UGT2A3: variants seen among roughly 807,000 people sequenced by gnomAD.
The protein encoded by UGT2A3 is UDP-glucuronosyltransferase 2A3.
In UGT2A3, 55 loss-of-function variants were observed where a neutral mutation model predicts 44.1. The observed-to-expected ratio is 1.25, with a 90% CI of 1.00 to 1.56. UGT2A3 has a LOEUF of 1.56. UGT2A3 is among the 40% of genes most tolerant of loss of function. The pLI, the probability that UGT2A3 is intolerant of heterozygous loss-of-function variation, is 0.00. For missense variants in UGT2A3, 733 were observed against 621.6 expected (o/e 1.18, Z -1.91); for synonymous variants, 243 against 215.1 (o/e 1.13, Z -1.13).
At chr4:68,930,825 T>C in intron 4 of UGT2A3, 60 bp from the exon 5 acceptor site, 1 of 1,389,974 alleles carries the variant, frequency 7.2e-7, no homozygotes, top group Non-Finnish European at 9.7e-7. Flanking sequence ...TTAAAATTAT[T>C]TAAAGACTAC....
intron 2 of UGT2A3, among the ~76,000 whole-genome samples, chr4:68,935,642 A>T (rs1395964940): frequency 6.6e-6 from 1 of 152,060 alleles, no homozygotes; most frequent in African/African-American, 2.4e-5. Flanking sequence ...TAAAAAGCAG[A>T]GCGCCACTAC....
rs985272998 is a variant in UGT2A3 at position 68,948,445 on chromosome 4, T to C, written c.715+2601A>G. ...TTTTTCTTTTCTTTTTTTTCTTTTTTTTTTTTTTTTTTTTGGTAGTGGTTT... is the reference window on the plus strand; with the variant it reads ...TTTTTCTTTTCTTTTTTTTCTTTTTCTTTTTTTTTTTTTTGGTAGTGGTTT... On this transcript the variant is annotated intron_variant, in intron 1 of 5. Transcript: ENST00000251566. Among the ~76,000 whole-genome samples the C allele has an allele frequency of 2.7e-5, 3 of 112,326 alleles. No homozygotes were observed. The East Asian group carries it at 6.8e-4, about 25-fold the overall frequency. The allele number at this position is 112,326 out of a possible 152,430, so 73.7% of individuals were successfully genotyped here.
rs553977777 is a variant in UGT2A3, at chr4:68,948,270, T to C, written c.715+2776A>G. Among the ~76,000 whole-genome samples, 81 of 151,928 alleles carry C rather than the reference T, an allele frequency of 5.3e-4. 1 individual carries two copies. Among genetic ancestry groups the C allele is most frequent in the Non-Finnish European group, 2.9e-4 (20 of 67,836 alleles). On this transcript the variant is annotated intron_variant, in intron 1 of 5. Coordinates refer to ENST00000251566, the MANE Select transcript of UGT2A3 (RefSeq NM_024743.4). ...TGTAGGCAGTTTATTCCTGTAAACCTCATTAGTCAACCTCTACTAGCTTCA... is the reference window on the plus strand; with the variant it reads ...TGTAGGCAGTTTATTCCTGTAAACCCCATTAGTCAACCTCTACTAGCTTCA...
chr4:68,939,585 A>G (rs916719568), intron 2 of UGT2A3, among the ~76,000 whole-genome samples: 1 of 152,210 alleles, frequency 6.6e-6, no homozygotes, highest in Non-Finnish European at 1.5e-5. Context: ...ACCTGAAACC[A>G]TAAAAATCCT....
Position 68,951,562 on chromosome 4 carries a change from T to C in UGT2A3, c.199A>G (p.Arg67Gly), listed in dbSNP as rs1718594616. Residue 67 changes from arginine to glycine, a missense_variant, in exon 1 of 6, where the codon AGG becomes GGG. By Grantham distance (125) the Arg-to-Gly change is moderately radical. Coordinates refer to ENST00000251566, the MANE Select transcript of UGT2A3 (RefSeq NM_024743.4). ...THSKPSLIDY[R>G]KPSALKFEVV... Reference sequence around the variant, plus strand: ...TCAAATTTCAATGCAGAAGGCTTCCTGTAGTCAATTAACGAAGGCTTTGAG... The same window carrying C: ...TCAAATTTCAATGCAGAAGGCTTCCCGTAGTCAATTAACGAAGGCTTTGAG... 6.2e-7 allele frequency: 1 copy of C among 1,613,132 alleles called. No homozygotes were observed. Among genetic ancestry groups the C allele is most frequent in the South Asian group, 1.1e-5 (1 of 91,070 alleles).
intron 2 of UGT2A3, among the ~76,000 whole-genome samples, chr4:68,940,557 G>A (rs984481283): frequency 7.9e-5 from 12 of 151,878 alleles, no homozygotes; most frequent in African/African-American, 2.9e-4. Context: ...GGGGTTGGGT[G>A]GCTGGTGGAG....
rs571179630 is a variant in UGT2A3 at position 68,936,039 on chromosome 4, G to T, written c.865-3280C>A. Among the ~76,000 whole-genome samples, 5 of 152,166 alleles carry T rather than the reference G, an allele frequency of 3.3e-5. No homozygotes were observed. In the East Asian group the frequency reaches 5.8e-4, roughly 18 times the overall value. ...AAAAGTGTAAAAAGAAAGGAACAAAGCCTCCAAGAAATATGGGACTATGTG... is the reference window on the plus strand; with the variant it reads ...AAAAGTGTAAAAAGAAAGGAACAAATCCTCCAAGAAATATGGGACTATGTG... On this transcript the variant is annotated intron_variant, in intron 2 of 5. Transcript: ENST00000251566.
chr4:68,931,305 A>G, intron 3 of UGT2A3, 63 bp from the exon 4 acceptor site: 1 of 1,315,946 alleles, frequency 7.6e-7, no homozygotes, highest in South Asian at 1.2e-5. Flanking sequence ...CTAAGGATGT[A>G]GATATAGTTA....
At chr4:68,934,674 A>G (rs1717867478) in intron 2 of UGT2A3, among the ~76,000 whole-genome samples, 1 of 151,892 alleles carries the variant, frequency 6.6e-6, no homozygotes, top group African/African-American at 2.4e-5. Flanking sequence ...AAGATTGAGA[A>G]TAGCTTAGTA....
intron 4 of UGT2A3, 75 bp from the exon 5 acceptor site, chr4:68,930,840 G>T: frequency 8.0e-7 from 1 of 1,254,088 alleles, no homozygotes; most frequent in Non-Finnish European, 1.1e-6. Context: ...GACTACAGAT[G>T]GGAATTACGA....
At chr4:68,948,287 C>T (rs780462664) in intron 1 of UGT2A3, among the ~76,000 whole-genome samples, 16 of 151,816 alleles carry the variant, frequency 1.1e-4, no homozygotes, top group Admixed American at 2.6e-4. Flanking sequence ...TCAACCTCTA[C>T]TAGCTTCAGT....
rs761531466 is a variant in UGT2A3 at position 68,929,882 on chromosome 4, C to A, written c.1515G>T (p.Leu505Phe). The A allele has an allele frequency of 2.4e-5, 39 of 1,610,382 alleles. No individual in the cohort carries two copies. Among genetic ancestry groups the A allele is most frequent in the Non-Finnish European group, 3.1e-5 (37 of 1,178,326 alleles). ...AGGAAAATAAAAAACATTTTGTGAA[C>A]AAGAATATAGCAGTTGCCACACAGG... ...LLACVATAIF[L>F]FTKCFLFSCQ... is the part of the protein sequence containing the mutation. The change falls in exon 6 of 6, where the codon TTG becomes TTT. Residue 505 changes from leucine to phenylalanine, a missense_variant. By Grantham distance (22) the Leu-to-Phe change is conservative. Coordinates refer to ENST00000251566, the MANE Select transcript of UGT2A3 (RefSeq NM_024743.4).
Position 68,932,744 on chromosome 4 carries a change from C to G in UGT2A3, c.880G>C (p.Val294Leu). 1 of 1,606,064 alleles carries G rather than the reference C, an allele frequency of 6.2e-7. No individual in the cohort carries two copies. The highest frequency in any genetic ancestry group is 1.7e-5 in the Admixed American group (1 of 58,738). ...ATACCATCTTCCCCTGAACTCTGGACAAAATTTTCCATTTCCTGAAGATAA... is the reference window on the plus strand; with the variant it reads ...ATACCATCTTCCCCTGAACTCTGGAGAAAATTTTCCATTTCCTGAAGATAA... Reference protein sequence around the residue: ...KALPKEMENFVQSSGEDGIVV... With the variant: ...KALPKEMENFLQSSGEDGIVV... The change falls in exon 3 of 6, where the codon GTC (valine) becomes CTC (leucine). Residue 294 changes from valine to leucine, a missense_variant. Val to Leu is a conservative substitution (Grantham distance 32, BLOSUM62 1). Transcript: ENST00000251566.
At chr4:68,933,469 G>A (rs1717816571) in intron 2 of UGT2A3, among the ~76,000 whole-genome samples, 1 of 152,006 alleles carries the variant, frequency 6.6e-6, no homozygotes, top group Non-Finnish European at 1.5e-5. Flanking sequence ...TGTCAGAAGG[G>A]CTGAACCACC....
At chr4:68,935,247 G>A (rs1476310471) in intron 2 of UGT2A3, among the ~76,000 whole-genome samples, 1 of 134,266 alleles carries the variant, frequency 7.4e-6, no homozygotes, top group Non-Finnish European at 1.6e-5. Context: ...TCCCACACCA[G>A]ACAAGGAGGT....
Position 68,951,312 on chromosome 4 carries a change from G to A in UGT2A3, c.449C>T (p.Pro150Leu). 1.9e-6 allele frequency: 3 copies of A among 1,612,446 alleles called. No homozygotes were observed. The highest frequency in any genetic ancestry group is 2.5e-6 in the Non-Finnish European group (3 of 1,179,158). ...ETNYDVMLID[P>L]VIPCGDLMAE... The stretch of plus-strand genomic sequence containing the variant: ...CATCAGGTCTCCACAGGGAATCACA[G>A]GGTCTATAAGCATTACATCGTAGTT... Residue 150 changes from proline to leucine, a missense_variant, in exon 1 of 6, where the codon CCT becomes CTT. By Grantham distance (98) the Pro-to-Leu change is moderately conservative. Coordinates refer to ENST00000251566, the MANE Select transcript of UGT2A3 (RefSeq NM_024743.4).
At position 68,951,734 on chromosome 4, in the gene UGT2A3, T is replaced by A. The variant is rs146289535; in HGVS notation, c.27A>T (p.Val9=). ...CACAGAAGAGCTGCAGGAGCAGAAATACCAAAGCTGACTTGTCAGACCTCA... is the reference window on the plus strand; with the variant it reads ...CACAGAAGAGCTGCAGGAGCAGAAAAACCAAAGCTGACTTGTCAGACCTCA... MRSDKSAL[V]FLLLQLFCVG... Residue 9 remains valine (V), a synonymous_variant, in exon 1 of 6, where the codon GTA becomes GTT. Transcript: ENST00000251566. 6.2e-7 allele frequency: 1 copy of A among 1,600,302 alleles called. No individual in the cohort carries two copies. The highest frequency in any genetic ancestry group is 1.1e-5 in the South Asian group (1 of 89,334).
At chr4:68,935,126 A>T (rs1318844257) in intron 2 of UGT2A3, among the ~76,000 whole-genome samples, 1 of 151,474 alleles carries the variant, frequency 6.6e-6, no homozygotes, top group African/African-American at 2.4e-5. Flanking sequence ...ATGAAATTCA[A>T]CAAAATTTAA....
intron 2 of UGT2A3, among the ~76,000 whole-genome samples, chr4:68,939,376 G>A (rs1026140429): frequency 6.6e-6 from 1 of 151,966 alleles, no homozygotes; most frequent in Non-Finnish European, 1.5e-5. Context: ...ACAGAACAGA[G>A]GCCTCAGAAA....
Sources: allele counts gnomAD v4.1 joint callset (sites outside exome capture counted in the v4.1 genomes callset), GRCh38; gene constraint gnomAD v4.1.1; transcripts MANE v1.5; gene names NCBI Gene and HGNC (gene_info 2026-07-23, HGNC 2026-07-21).